STAB2: variants seen among roughly 807,000 people sequenced by gnomAD.
The protein encoded by STAB2 is stabilin 2.
Under a neutral mutation model 338.1 loss-of-function variants are expected in STAB2, and 288 were observed. That is an observed-to-expected ratio of 0.85 (90% CI 0.77 to 0.94). The LOEUF is 0.94. STAB2 is among the 40% of genes least tolerant of loss of function. The pLI, the probability that STAB2 is intolerant of heterozygous loss-of-function variation, is 0.00. For synonymous variants in STAB2, 1,202 were observed against 1,193.3 expected (o/e 1.01, Z -0.15); for missense variants, 3,141 against 3,210.1 (o/e 0.98, Z 0.52).
In STAB2 at chr12:103,638,083, G is replaced by A. The variant is rs940777426; in HGVS notation, c.777G>A (p.Arg259=). ...ATTGTACGTACCTGGGACCAAATCGGCACAGTTGTACATGCCAAGAAGGCT... is the reference window on the plus strand; with the variant it reads ...ATTGTACGTACCTGGGACCAAATCGACACAGTTGTACATGCCAAGAAGGCT... ...HAHCTYLGPN[R]HSCTCQEGYR... Residue 259 remains arginine, a synonymous_variant, in exon 8 of 69, where the codon CGG becomes CGA. Transcript: ENST00000388887. 6.2e-7 allele frequency: 1 copy of A among 1,614,140 alleles called. No individual in the cohort carries two copies. Among genetic ancestry groups the A allele is most frequent in the Admixed American group, 1.7e-5 (1 of 60,010 alleles).
intron 3 of STAB2, 82 bp from the exon 4 acceptor site, chr12:103,620,386 C>G (rs1957279358): frequency 1.6e-6 from 2 of 1,282,020 alleles, no homozygotes. Flanking sequence ...AACTAGCACA[C>G]TTAGTAGGTG....
chr12:103,699,658 G>A (rs1878696836), intron 34 of STAB2, among the ~76,000 whole-genome samples: 1 of 152,210 alleles, frequency 6.6e-6, no homozygotes, highest in Admixed American at 6.5e-5. Flanking sequence ...TGTGGGCACA[G>A]CCAAACCATG....
At chr12:103,737,907 C>A in intron 53 of STAB2, 127 bp downstream of exon 53, 1 of 1,231,474 alleles carries the variant, frequency 8.1e-7, no homozygotes, top group Non-Finnish European at 1.1e-6. Context: ...CCCAGAAGAC[C>A]TGAGGGCCAA....
intron 3 of STAB2, among the ~76,000 whole-genome samples, chr12:103,611,383 G>A (rs1957119735): frequency 6.6e-6 from 1 of 152,172 alleles, no homozygotes; most frequent in African/African-American, 2.4e-5. Context: ...TGTATTGGGT[G>A]CATATATATT....
chr12:103,627,085 G>A (rs1957392016), intron 5 of STAB2, among the ~76,000 whole-genome samples: 1 of 152,178 alleles, frequency 6.6e-6, no homozygotes, highest in South Asian at 2.1e-4. Flanking sequence ...AAAGGAGGTG[G>A]GGGTTCTCCT....
chr12:103,735,910 T>C (rs1882084348), intron 52 of STAB2, among the ~76,000 whole-genome samples: 1 of 152,118 alleles, frequency 6.6e-6, no homozygotes, highest in Non-Finnish European at 1.5e-5. Context: ...ATACAGTCAT[T>C]CCTTTCTCTT....
At chr12:103,676,912 A>C (rs756854973) in intron 24 of STAB2, among the ~76,000 whole-genome samples, 1 of 152,108 alleles carries the variant, frequency 6.6e-6, no homozygotes, top group Non-Finnish European at 1.5e-5. Context: ...ACCCCAGCCT[A>C]CAGATTCCTT....
chr12:103,732,766 C>T (rs1881733332), intron 50 of STAB2, among the ~76,000 whole-genome samples: 1 of 152,134 alleles, frequency 6.6e-6, no homozygotes, highest in Non-Finnish European at 1.5e-5. Flanking sequence ...GACTGTGCTA[C>T]TGCACTCCAG....
Position 103,742,427 on chromosome 12 carries a change from C to T in STAB2, c.5904C>T (p.Ala1968=). The part of the protein sequence containing the change: ...DCQACPGGPD[A]PCNNRGVCLD... ...CAGCCTGCCCTGGAGGACCAGATGC[C>T]CCGTGTAATAACCGGGGTGTCTGCC... The change falls in exon 56 of 69, where the codon GCC becomes GCT. Residue 1968 remains alanine (A), a synonymous_variant. Transcript: ENST00000388887. 6.2e-7 allele frequency: 1 copy of T among 1,614,084 alleles called. No homozygotes were observed. The highest frequency in any genetic ancestry group is 8.5e-7 in the Non-Finnish European group (1 of 1,179,994).
In STAB2 at chr12:103,597,128, A is replaced by G. The variant is rs75489006; in HGVS notation, c.331+2618A>G. ...GTACTCCTCTTTATCTTCATCTTCC[A>G]AACACACTAGATGTCTCGAAAGGCT... is the stretch of plus-strand genomic sequence containing the variant. On this transcript the variant is annotated intron_variant, in intron 3 of 68. Coordinates refer to ENST00000388887, the MANE Select transcript of STAB2 (RefSeq NM_017564.10). Among the ~76,000 whole-genome samples the G allele has an allele frequency of 1.5e-3, 221 of 152,236 alleles. 5 individuals carry two copies. In the East Asian group the frequency reaches 0.038, roughly 26 times the overall value.
At chr12:103,595,019 C>T (rs1565950119) in intron 3 of STAB2, among the ~76,000 whole-genome samples, 1 of 151,076 alleles carries the variant, frequency 6.6e-6, no homozygotes, top group African/African-American at 2.4e-5. Flanking sequence ...GATGCAAATA[C>T]ACATATACAT....
chr12:103,745,149 G>A (rs779911219), intron 56 of STAB2, 24 bp from the exon 57 acceptor site: 13 of 1,603,466 alleles, frequency 8.1e-6, no homozygotes, highest in Non-Finnish European at 1.0e-5. Context: ...CCTGATGACT[G>A]ACCATATCCT....
intron 63 of STAB2, among the ~76,000 whole-genome samples, chr12:103,757,032 A>AT (rs1406463203): frequency 7.5e-5 from 10 of 132,992 alleles, no homozygotes; most frequent in Non-Finnish European, 1.6e-4. Context: ...TATATATATA[A>AT]AATATATATA....
intron 18 of STAB2, among the ~76,000 whole-genome samples, chr12:103,663,698 C>A (rs1298482248): frequency 6.6e-6 from 1 of 152,326 alleles, no homozygotes; most frequent in East Asian, 1.9e-4. Flanking sequence ...AAGGCCCACA[C>A]TAATTCAGCA....
chr12:103,692,784 A>G lies in STAB2; in HGVS notation c.3298-28A>G, dbSNP rs750384080. ...CCCAAGGTGCGCTCTATAAAGACTC[A>G]TCTTCCCACTGTGGTTTGCATTTAC... On this transcript the variant is annotated intron_variant, in intron 30 of 68. Transcript: ENST00000388887. 5 of 1,597,276 alleles carry G rather than the reference A, an allele frequency of 3.1e-6. No individual in the cohort carries two copies. The African/African-American group carries it at 4.0e-5, about 13-fold the overall frequency.
At position 103,676,061 on chromosome 12, in the gene STAB2, T is replaced by TC. The variant is rs1566005562; in HGVS notation, c.2646+40_2646+41insC. On this transcript the variant is annotated intron_variant, in intron 24 of 68. Transcript: ENST00000388887. ...TCATTTCCACCCTGCCTGGTTTCTT[T>TC]TTTTTTTTTTTTTTTTTTGAGACAG... 8 of 986,850 alleles carry TC rather than the reference T, an allele frequency of 8.1e-6. No individual in the cohort carries two copies. The East Asian group carries it at 1.3e-4, about 16-fold the overall frequency. The allele number at this position is 986,850 out of a possible 1,614,324, so 61.1% of individuals were successfully genotyped here.
intron 5 of STAB2, among the ~76,000 whole-genome samples, chr12:103,628,521 G>A (rs192393299): frequency 3.9e-4 from 60 of 152,340 alleles, no homozygotes; most frequent in Admixed American, 2.4e-3. Flanking sequence ...GAAGCGAGAA[G>A]TCAAATATCA....
intron 6 of STAB2, among the ~76,000 whole-genome samples, chr12:103,633,118 G>A (rs1957489944): frequency 6.6e-6 from 1 of 152,178 alleles, no homozygotes; most frequent in Non-Finnish European, 1.5e-5. Flanking sequence ...GCCTTCTGTG[G>A]TCCTCAGTCA....
intron 59 of STAB2, 36 bp from the exon 60 acceptor site, chr12:103,750,543 G>T (rs770607513): frequency 6.2e-7 from 1 of 1,609,848 alleles, no homozygotes; most frequent in Non-Finnish European, 8.5e-7. Context: ...TCCTAGAGAA[G>T]GAACTTTTTC....
Sources: allele counts gnomAD v4.1 joint callset (sites outside exome capture counted in the v4.1 genomes callset), GRCh38; gene constraint gnomAD v4.1.1; transcripts MANE v1.5; gene names NCBI Gene and HGNC (gene_info 2026-07-23, HGNC 2026-07-21).